RNF217: variants seen among roughly 807,000 people sequenced by gnomAD.
RNF217 encodes the protein ring finger protein 217, also known as E3 ubiquitin-protein ligase RNF217.
RNF217 carries 31 observed loss-of-function variants against 57.8 expected under a neutral mutation model. That is an observed-to-expected ratio of 0.54 (90% CI 0.40 to 0.72). The LOEUF (loss-of-function observed/expected upper bound fraction) is 0.72. Ranked by LOEUF, RNF217 falls within the 30% of genes least tolerant of loss-of-function variation. The probability of loss-of-function intolerance (pLI) is 0.00; values close to 1 mark genes in which losing one functional copy is unlikely to be tolerated. For missense variants in RNF217, 696 were observed against 708.3 expected (o/e 0.98, Z 0.20); for synonymous variants, 313 against 294.0 (o/e 1.06, Z -0.66).
At chr6:125,066,830 A>C (rs1306762546) in intron 3 of RNF217, among the ~76,000 whole-genome samples, 1 of 152,224 alleles carries the variant, frequency 6.6e-6, no homozygotes, top group Admixed American at 6.5e-5. Flanking sequence ...ATGGCTGAAT[A>C]AATAAATGAA....
intron 4 of RNF217, among the ~76,000 whole-genome samples, chr6:125,079,936 G>A (rs1181573383): frequency 6.6e-6 from 1 of 151,992 alleles, no homozygotes; most frequent in Non-Finnish European, 1.5e-5. Flanking sequence ...AAAAGTAGAT[G>A]TAAACATGTT....
At chr6:125,033,621 T>C (rs1243638346) in intron 1 of RNF217, among the ~76,000 whole-genome samples, 1 of 151,712 alleles carries the variant, frequency 6.6e-6, no homozygotes, top group African/African-American at 2.4e-5. Context: ...TGGTTCCAAG[T>C]CTTTGCTACT....
At chr6:124,985,197 A>G (rs1784329141) in intron 1 of RNF217, among the ~76,000 whole-genome samples, 1 of 152,210 alleles carries the variant, frequency 6.6e-6, no homozygotes, top group South Asian at 2.1e-4. Flanking sequence ...AGGGATGTTC[A>G]CACACTGTTT....
At chr6:124,978,411 C>T (rs1784044005) in intron 1 of RNF217, among the ~76,000 whole-genome samples, 1 of 151,304 alleles carries the variant, frequency 6.6e-6, no homozygotes, top group African/African-American at 2.4e-5. Context: ...CTGTGAGCGG[C>T]TTCCACCTTG....
intron 1 of RNF217, among the ~76,000 whole-genome samples, chr6:125,019,622 C>A (rs1785747637): frequency 6.6e-6 from 1 of 151,948 alleles, no homozygotes; most frequent in African/African-American, 2.4e-5. Flanking sequence ...AATTATAAAC[C>A]TCTCCAAAGA....
rs1787247770 is a variant in RNF217 at position 125,049,974 on chromosome 6, G to A, written c.1116+4530G>A. Among the ~76,000 whole-genome samples, 3 of 151,990 alleles carry A rather than the reference G, an allele frequency of 2.0e-5. No homozygotes were observed. The South Asian group carries it at 6.2e-4, about 32-fold the overall frequency. On this transcript the variant is annotated intron_variant, in intron 2 of 5. Coordinates refer to ENST00000521654, the MANE Select transcript of RNF217 (RefSeq NM_001286398.3). ...AAACATGACTCAGGAGTGATTTGGT[G>A]GAAGTCATCAATATTGGGGGCAGTG...
At position 124,962,571 on chromosome 6, in the gene RNF217, C is replaced by T. The variant is rs1398230712; in HGVS notation, c.27C>T (p.Ser9=). 5 of 1,244,758 alleles carry T rather than the reference C, an allele frequency of 4.0e-6. No individual in the cohort carries two copies. Among genetic ancestry groups the T allele is most frequent in the African/African-American group, 1.6e-5 (1 of 63,254 alleles). 77.1% of individuals were successfully genotyped at this position (1,244,758 alleles called of 1,614,324 possible). Residue 9 remains serine, a synonymous_variant, in exon 1 of 6, where the codon AGC becomes AGT. Coordinates refer to ENST00000521654, the MANE Select transcript of RNF217 (RefSeq NM_001286398.3). This position sits in a 1 kb window ranked among gnomAD's most constrained non-coding sequence, Gnocchi z 4.6. The part of the protein sequence containing the change: MGEEQSTV[S]GGGGPQESQT... ...TGGGCGAGGAGCAGAGCACGGTGAG[C>T]GGCGGCGGCGGGCCCCAGGAGTCGC...
chr6:124,966,097 G>A (rs942591419), intron 1 of RNF217, among the ~76,000 whole-genome samples: 9 of 152,148 alleles, frequency 5.9e-5, no homozygotes, highest in African/African-American at 1.4e-4. Context: ...GGCTTAAAGC[G>A]GACAAAAGTA....
At chr6:125,025,266 T>C (rs960300776) in intron 1 of RNF217, among the ~76,000 whole-genome samples, 1 of 152,178 alleles carries the variant, frequency 6.6e-6, no homozygotes, top group South Asian at 2.1e-4. Context: ...GGTTTTTTAA[T>C]GTGGACGTGA....
At chr6:125,074,230 A>T (rs1788262154) in intron 3 of RNF217, among the ~76,000 whole-genome samples, 1 of 152,038 alleles carries the variant, frequency 6.6e-6, no homozygotes, top group Non-Finnish European at 1.5e-5. Flanking sequence ...CTTAATTATT[A>T]CTTCTTCAAA....
chr6:124,974,117 A>G (rs1783867437), intron 1 of RNF217, among the ~76,000 whole-genome samples: 1 of 152,170 alleles, frequency 6.6e-6, no homozygotes, highest in African/African-American at 2.4e-5. Context: ...TTCTGCCCTA[A>G]GTTTGGAAGG....
At chr6:125,044,059 T>G (rs199503551) in intron 1 of RNF217, among the ~76,000 whole-genome samples, 4 of 45,266 alleles carry the variant, frequency 8.8e-5, no homozygotes, top group African/African-American at 2.2e-4. Flanking sequence ...ATGAATTTAG[T>G]TTTTTTTTTT....
intron 1 of RNF217, among the ~76,000 whole-genome samples, chr6:125,033,301 G>A (rs1467386250): frequency 1.4e-5 from 2 of 140,466 alleles, no homozygotes; most frequent in African/African-American, 2.7e-5. Context: ...CCATTAACTC[G>A]TCATTTAGCA....
In RNF217 at chr6:124,963,071, C is replaced by T. The variant is rs1255761272; in HGVS notation, c.527C>T (p.Ala176Val). ...TGCGTGGAGAGCGACCTGCCCGAGG[C>T]CCCCGCCTCGGAGCAGCTCTCGCCG... is the stretch of plus-strand genomic sequence containing the variant. ...VYCVESDLPE[A>V]PASEQLSPPA... The change falls in exon 1 of 6, where the codon GCC (alanine) becomes GTC (valine). Residue 176 changes from alanine to valine, a missense_variant. Physicochemically the swap from Ala to Val is moderately conservative, Grantham distance 64 (BLOSUM62 0). Around this residue, in one of 2 missense-constraint regions of RNF217, gnomAD observed 465 missense variants for 386.8 expected, o/e 1.20. Coordinates refer to ENST00000521654, the MANE Select transcript of RNF217 (RefSeq NM_001286398.3). The T allele has an allele frequency of 1.6e-5, 25 of 1,560,224 alleles. No individual in the cohort carries two copies. Among genetic ancestry groups the T allele is most frequent in the Non-Finnish European group, 2.1e-5 (24 of 1,160,950 alleles).
chr6:124,966,887 C>A (rs1783564009), intron 1 of RNF217, among the ~76,000 whole-genome samples: 1 of 152,192 alleles, frequency 6.6e-6, no homozygotes, highest in South Asian at 2.1e-4. Flanking sequence ...TACCTCTATG[C>A]TCTGTATAAA....
chr6:124,972,524 T>C (rs868400851), intron 1 of RNF217, among the ~76,000 whole-genome samples: 20 of 152,344 alleles, frequency 1.3e-4, no homozygotes, highest in Middle Eastern at 6.8e-3. Flanking sequence ...CGGTATCTCA[T>C]GTCCCTGTGC....
At chr6:125,055,516 A>T (rs1043704135) in intron 2 of RNF217, among the ~76,000 whole-genome samples, 1 of 152,178 alleles carries the variant, frequency 6.6e-6, no homozygotes, top group Non-Finnish European at 1.5e-5. Flanking sequence ...TGAGTCATTA[A>T]ATGTCTGACA....
At chr6:125,058,413 A>G (rs770095195) in intron 3 of RNF217, among the ~76,000 whole-genome samples, 9 of 152,180 alleles carry the variant, frequency 5.9e-5, no homozygotes, top group Non-Finnish European at 1.2e-4. Flanking sequence ...ATAGCGTAAA[A>G]GTGATATAAA....
intron 3 of RNF217, among the ~76,000 whole-genome samples, chr6:125,073,216 T>C (rs1227240318): frequency 6.6e-6 from 1 of 152,180 alleles, no homozygotes; most frequent in African/African-American, 2.4e-5. Flanking sequence ...GGATCAGAAA[T>C]GATTCAGAGG....
Sources: allele counts gnomAD v4.1 joint callset (sites outside exome capture counted in the v4.1 genomes callset), GRCh38; gene constraint gnomAD v4.1.1; regional missense constraint gnomAD v4.1.1; non-coding constraint Gnocchi (gnomAD v3.1); transcripts MANE v1.5; gene names NCBI Gene and HGNC (gene_info 2026-07-23, HGNC 2026-07-21).